The following SLC30A7 variants were observed in gnomAD, a reference collection of about 807,000 sequenced individuals.
SLC30A7 encodes solute carrier family 30 member 7.
Under a neutral mutation model 46.0 loss-of-function variants are expected in SLC30A7, and 35 were observed. The ratio of observed to expected loss-of-function variants is 0.76; its 90% CI spans 0.58 to 1.01. SLC30A7 has a LOEUF of 1.01. Among genes scored for constraint, SLC30A7 ranks in the 50% least tolerant of loss-of-function variants. The pLI is 0.00. For missense variants in SLC30A7, 464 were observed against 451.1 expected, an observed-to-expected ratio of 1.03 and a Z score of -0.26; for synonymous variants, 147 against 157.8, an observed-to-expected ratio of 0.93 and a Z score of 0.51.
At chr1:100,972,254 C>A in intron 10 of SLC30A7, 1 of 324,154 alleles carries the variant, frequency 3.1e-6, no homozygotes, top group Admixed American at 4.2e-5. Flanking sequence ...TAGGATTCTT[C>A]CACTTTTCTC....
chr1:100,921,341 T>C (rs17123521), intron 7 of SLC30A7, among the ~76,000 whole-genome samples: 6,212 of 152,262 alleles, frequency 0.041, 352 homozygotes, highest in East Asian at 0.27. Flanking sequence ...TGACCAGTTC[T>C]TTTAGCCTAA....
At chr1:100,926,911 T>G (rs993548586) in intron 8 of SLC30A7, among the ~76,000 whole-genome samples, 9 of 152,208 alleles carry the variant, frequency 5.9e-5, no homozygotes, top group Non-Finnish European at 1.3e-4. Flanking sequence ...TTGGAAAGTC[T>G]TCTGCATAGG....
In SLC30A7 at chr1:100,975,014, G is replaced by T; in HGVS notation, c.*157G>T. 2.1e-6 allele frequency: 1 copy of T among 466,086 alleles called. No homozygotes were observed. The allele number at this position is 466,086 out of a possible 1,614,324, so 28.9% of individuals were successfully genotyped here. On this transcript the variant is annotated 3_prime_UTR_variant, in exon 11 of 11. Coordinates refer to ENST00000357650, the MANE Select transcript of SLC30A7 (RefSeq NM_133496.5). ...GAGTCAGCCGTTCATGCTTTGTGGG[G>T]AGTTCACAGCTAAGGGATCAGATTT...
At position 100,979,066 on chromosome 1, in the gene SLC30A7, A is replaced by T. The variant is rs1439326572; in HGVS notation, c.*4209A>T. 2 of 152,166 alleles carry T rather than the reference A, an allele frequency of 1.3e-5. No homozygotes were observed. The highest frequency in any genetic ancestry group is 1.5e-5 in the Non-Finnish European group (1 of 68,024). The allele number at this position is 152,166 out of a possible 1,614,324, so 9.4% of individuals were successfully genotyped here. ...TCACTGGAAAAGCTTTTGCATTTTA[A>T]AGATTTTTAGAGCCATGCAAAACTG... On this transcript the variant is annotated 3_prime_UTR_variant, in exon 11 of 11. Transcript: ENST00000357650.
At chr1:100,972,700 A>C (rs1223261770) in intron 10 of SLC30A7, 1 of 152,158 alleles carries the variant, frequency 6.6e-6, no homozygotes, top group African/African-American at 2.4e-5. Flanking sequence ...ATTTTTAAAG[A>C]GTTCCTAAGT....
intron 2 of SLC30A7, among the ~76,000 whole-genome samples, chr1:100,901,390 G>A (rs903631231): frequency 6.6e-6 from 1 of 151,976 alleles, no homozygotes; most frequent in East Asian, 1.9e-4. Context: ...ATATTCTATT[G>A]ACATTTGTGC....
At chr1:100,899,100 A>G (rs1386549056) in intron 2 of SLC30A7, among the ~76,000 whole-genome samples, 1 of 152,236 alleles carries the variant, frequency 6.6e-6, no homozygotes, top group Admixed American at 6.5e-5. Context: ...CTTCAGTGGA[A>G]CAATAGGTAG....
intron 8 of SLC30A7, among the ~76,000 whole-genome samples, chr1:100,957,605 A>G (rs1655294423): frequency 6.6e-6 from 1 of 152,340 alleles, no homozygotes; most frequent in Admixed American, 6.5e-5. Flanking sequence ...GCAGAATCAG[A>G]ACCCAAGTGT....
At position 100,903,607 on chromosome 1, in the gene SLC30A7, T is replaced by C. The variant is rs542566947; in HGVS notation, c.183-3245T>C. On this transcript the variant is annotated intron_variant, in intron 2 of 10. Transcript: ENST00000357650. ...GTCAGATGAGATGGTTAAAGTACTA[T>C]CTGCACTTAAACTTTCTAATATATC... Among the ~76,000 whole-genome samples the C allele has an allele frequency of 2.6e-5, 4 of 152,266 alleles. No homozygotes were observed. In the East Asian group the frequency reaches 5.8e-4, roughly 22 times the overall value.
chr1:100,988,728 T>C, the SLC30A7 span, among the ~76,000 whole-genome samples: 14 of 151,936 alleles, frequency 9.2e-5, no homozygotes, highest in Non-Finnish European at 1.3e-4. Context: ...CACATGACTG[T>C]AATCCCAGCT....
In SLC30A7 at chr1:100,896,206, A is replaced by G. The variant is rs1232262878; in HGVS notation, c.-57A>G. ...AGGCGTCACTACTGTCACTGCCATCACCCCACGGAGCCACTTCTAGAGGGG... is the reference window on the plus strand; with the variant it reads ...AGGCGTCACTACTGTCACTGCCATCGCCCCACGGAGCCACTTCTAGAGGGG... On this transcript the variant is annotated 5_prime_UTR_variant, in exon 1 of 11. Coordinates refer to ENST00000357650, the MANE Select transcript of SLC30A7 (RefSeq NM_133496.5). 5 of 1,507,138 alleles carry G rather than the reference A, an allele frequency of 3.3e-6. No homozygotes were observed. The highest frequency in any genetic ancestry group is 2.3e-5 in the East Asian group (1 of 44,364). The allele number at this position is 1,507,138 out of a possible 1,614,324, so 93.4% of individuals were successfully genotyped here. A position where few individuals can be genotyped will look rare whatever the true frequency, so the allele number is the denominator to read the frequency against.
In SLC30A7 at chr1:100,981,142, G is replaced by C. The variant is rs533991098; in HGVS notation, c.*6285G>C. 2.0e-5 allele frequency: 3 copies of C among 151,898 alleles called. No individual in the cohort carries two copies. Among genetic ancestry groups the C allele is most frequent in the Admixed American group, 6.6e-5 (1 of 15,266 alleles). 9.4% of individuals were successfully genotyped at this position (151,898 alleles called of 1,614,324 possible). ...CTAGCGGGGAAAATTTTTTTATTTA[G>C]AATTTTAATATTTGAATTTTGTTTA... On this transcript the variant is annotated 3_prime_UTR_variant, in exon 11 of 11. Coordinates refer to ENST00000357650, the MANE Select transcript of SLC30A7 (RefSeq NM_133496.5).
intron 3 of SLC30A7, among the ~76,000 whole-genome samples, chr1:100,909,601 G>C (rs181398657): frequency 6.6e-6 from 1 of 152,186 alleles, no homozygotes; most frequent in African/African-American, 2.4e-5. Context: ...TATTTGTAAA[G>C]GCAAATGTGT....
chr1:100,912,997 T>G (rs1027258869), intron 5 of SLC30A7, among the ~76,000 whole-genome samples: 3 of 152,180 alleles, frequency 2.0e-5, no homozygotes, highest in Non-Finnish European at 4.4e-5. Flanking sequence ...GTATTTAGAA[T>G]TTTTGTAAAA....
intron 8 of SLC30A7, among the ~76,000 whole-genome samples, chr1:100,934,223 A>C (rs555892423): frequency 7.9e-4 from 120 of 152,346 alleles, no homozygotes; most frequent in African/African-American, 2.8e-3. Context: ...ATGGTTGTAC[A>C]AATAAGTACC....
intron 8 of SLC30A7, among the ~76,000 whole-genome samples, chr1:100,932,942 C>A (rs868258151): frequency 9.9e-5 from 15 of 151,716 alleles, no homozygotes; most frequent in Admixed American, 2.0e-4. Flanking sequence ...TTTTCCATAG[C>A]AGTTTGTATA....
intron 8 of SLC30A7, among the ~76,000 whole-genome samples, chr1:100,926,854 T>G (rs1221136702): frequency 6.6e-6 from 1 of 152,158 alleles, no homozygotes; most frequent in Non-Finnish European, 1.5e-5. Context: ...GACTGTCAGT[T>G]GGTGACAAAT....
At chr1:100,965,440 T>A (rs938432195) in intron 9 of SLC30A7, among the ~76,000 whole-genome samples, 1 of 152,222 alleles carries the variant, frequency 6.6e-6, no homozygotes, top group South Asian at 2.1e-4. Context: ...GTTAAGGAAG[T>A]GTCCTTCTAA....
rs76367169 is a variant in SLC30A7 at position 100,931,665 on chromosome 1, G to A, written c.842+9824G>A. 2.0e-4 allele frequency among the ~76,000 whole-genome samples: 31 copies of A among 152,130 alleles called. No individual in the cohort carries two copies. In the East Asian group the frequency reaches 4.8e-3, roughly 24 times the overall value. ...TTTGCATTGTTTCTTGTGGGAAATC[G>A]GTGATTTTTAAACAGCCAACTTAAA... On this transcript the variant is annotated intron_variant, in intron 8 of 10. Transcript: ENST00000357650.
Sources: gnomAD v4.1 joint callset for allele counts (sites outside exome capture counted in the v4.1 genomes callset) on GRCh38, gnomAD v4.1.1 for gene constraint, MANE v1.5 for transcripts, NCBI Gene and HGNC (gene_info 2026-07-23, HGNC 2026-07-21) for gene names.